The following RAP1GDS1 variants were observed in gnomAD, a reference collection of about 807,000 sequenced individuals.
The protein encoded by RAP1GDS1 is RAP1, GTP-GDP dissociation stimulator 1.
A neutral mutation model predicts 71.1 loss-of-function variants in RAP1GDS1; 35 were observed. That is an observed-to-expected ratio of 0.49 (90% CI 0.38 to 0.65). The LOEUF is 0.65. Ranked by LOEUF, RAP1GDS1 falls within the 30% of genes least tolerant of loss-of-function variation. RAP1GDS1 has a pLI of 0.00. For missense variants in RAP1GDS1, 663 were observed against 706.1 expected (o/e 0.94, Z 0.69); for synonymous variants, 229 against 243.1 (o/e 0.94, Z 0.54).
intron 2 of RAP1GDS1, among the ~76,000 whole-genome samples, chr4:98,311,624 A>C (rs1052108294): frequency 1.3e-5 from 2 of 152,096 alleles, no homozygotes. Flanking sequence ...ATGTATATTT[A>C]TGTGTGTGTG....
At chr4:98,377,690 AAT>A (rs1741363220) in intron 4 of RAP1GDS1, among the ~76,000 whole-genome samples, 1 of 151,440 alleles carries the variant, frequency 6.6e-6, no homozygotes. Context: ...TGTATCATCT[AAT>A]ATGATTCAGC....
intron 1 of RAP1GDS1, among the ~76,000 whole-genome samples, chr4:98,291,284 A>G (rs1239415597): frequency 6.6e-6 from 1 of 152,176 alleles, no homozygotes; most frequent in Non-Finnish European, 1.5e-5. Context: ...GAACTAGACC[A>G]TATGTTGATA....
chr4:98,299,316 A>T (rs762227189), intron 2 of RAP1GDS1, among the ~76,000 whole-genome samples: 1 of 152,232 alleles, frequency 6.6e-6, no homozygotes, highest in Non-Finnish European at 1.5e-5. Flanking sequence ...ATTGATGGAC[A>T]TTCAGATTGG....
chr4:98,421,474 T>C, intron 12 of RAP1GDS1, 80 bp downstream of exon 12: 1 of 1,324,746 alleles, frequency 7.5e-7, no homozygotes, highest in Non-Finnish European at 1.0e-6. Context: ...TCCTAACAAC[T>C]GGGATAATAT....
intron 12 of RAP1GDS1, among the ~76,000 whole-genome samples, chr4:98,423,690 G>A (rs1037393151): frequency 4.6e-5 from 7 of 151,956 alleles, no homozygotes; most frequent in East Asian, 1.9e-4. Context: ...GATCACAGGC[G>A]TGCACCACCA....
chr4:98,317,410 T>C (rs1731096547), intron 2 of RAP1GDS1, among the ~76,000 whole-genome samples: 1 of 152,134 alleles, frequency 6.6e-6, no homozygotes, highest in African/African-American at 2.4e-5. Flanking sequence ...CAAAGAACAT[T>C]ATATGTTTTT....
chr4:98,393,678 A>G (rs1744074476), intron 6 of RAP1GDS1, among the ~76,000 whole-genome samples: 1 of 152,182 alleles, frequency 6.6e-6, no homozygotes, highest in African/African-American at 2.4e-5. Context: ...GCACTGTCCA[A>G]TACAGTAGCT....
intron 14 of RAP1GDS1, among the ~76,000 whole-genome samples, chr4:98,440,337 T>A (rs961681242): frequency 6.6e-6 from 1 of 152,222 alleles, no homozygotes; most frequent in Non-Finnish European, 1.5e-5. Context: ...TTATTTTTGA[T>A]ATATACTCAG....
chr4:98,372,578 TAATC>T (rs1740551489), intron 4 of RAP1GDS1, among the ~76,000 whole-genome samples: 1 of 152,254 alleles, frequency 6.6e-6, no homozygotes, highest in Non-Finnish European at 1.5e-5. Context: ...CACATTAATT[TAATC>T]AATCACCTTA....
intron 1 of RAP1GDS1, among the ~76,000 whole-genome samples, chr4:98,281,515 T>C (rs4699618): frequency 0.14 from 21,615 of 152,022 alleles, 2,239 homozygotes; most frequent in African/African-American, 0.29. Context: ...TGGGCTGAGA[T>C]GATGGGGTTT....
chr4:98,332,372 A>T (rs868291851), intron 2 of RAP1GDS1, among the ~76,000 whole-genome samples: 52 of 152,340 alleles, frequency 3.4e-4, no homozygotes, highest in Middle Eastern at 3.4e-3. Context: ...TTACTAGGAA[A>T]CATTGCTTTT....
chr4:98,395,569 C>T (rs1374515010), intron 6 of RAP1GDS1, among the ~76,000 whole-genome samples: 1 of 152,150 alleles, frequency 6.6e-6, no homozygotes, highest in African/African-American at 2.4e-5. Context: ...GTCATTTTCT[C>T]ATTTGGGAAA....
intron 1 of RAP1GDS1, among the ~76,000 whole-genome samples, chr4:98,285,507 T>G (rs1213907434): frequency 6.6e-6 from 1 of 152,130 alleles, no homozygotes. Context: ...CACAGGAGCC[T>G]AATAAAACCT....
chr4:98,430,017 A>T (rs1289405736), intron 12 of RAP1GDS1, among the ~76,000 whole-genome samples: 1 of 152,156 alleles, frequency 6.6e-6, no homozygotes, highest in African/African-American at 2.4e-5. Flanking sequence ...AAATGCTATA[A>T]TATTTAATAA....
chr4:98,269,619 G>T (rs1375185116), intron 1 of RAP1GDS1, among the ~76,000 whole-genome samples: 1 of 152,116 alleles, frequency 6.6e-6, no homozygotes, highest in African/African-American at 2.4e-5. Flanking sequence ...ATACAACTCA[G>T]TAGCTAAAAT....
At chr4:98,400,424 GAT>G (rs1251609211) in intron 6 of RAP1GDS1, among the ~76,000 whole-genome samples, 1 of 151,438 alleles carries the variant, frequency 6.6e-6, no homozygotes, top group Non-Finnish European at 1.5e-5. Context: ...CAACAACATG[GAT>G]GGAACTGGAA....
intron 1 of RAP1GDS1, 90 bp downstream of exon 1, chr4:98,261,659 C>T (rs1208151963): frequency 6.9e-7 from 1 of 1,454,052 alleles, no homozygotes; most frequent in South Asian, 1.2e-5. Context: ...CGCAAAGTTG[C>T]CGGATTTCTC....
intron 1 of RAP1GDS1, among the ~76,000 whole-genome samples, chr4:98,280,273 A>AT (rs762044156): frequency 6.6e-6 from 1 of 152,024 alleles, no homozygotes; most frequent in Non-Finnish European, 1.5e-5. Flanking sequence ...AGCATCTGTT[A>AT]TTTCCTGACT....
At chr4:98,401,752 A>G (rs1745444416) in intron 6 of RAP1GDS1, among the ~76,000 whole-genome samples, 1 of 152,204 alleles carries the variant, frequency 6.6e-6, no homozygotes, top group Non-Finnish European at 1.5e-5. Flanking sequence ...CAGGTTAAGT[A>G]CAGATTTTGT....
Sources: gnomAD v4.1 joint callset for allele counts (sites outside exome capture counted in the v4.1 genomes callset) on GRCh38, gnomAD v4.1.1 for gene constraint, MANE v1.5 for transcripts, NCBI Gene and HGNC (gene_info 2026-07-23, HGNC 2026-07-21) for gene names.